TBC1D24: variants seen among roughly 807,000 people sequenced by gnomAD.
TBC1D24 encodes Infantile myoclonic epilepsy.
Under a neutral mutation model 50.7 loss-of-function variants are expected in TBC1D24, and 47 were observed. The ratio of observed to expected loss-of-function variants is 0.93; its 90% CI spans 0.73 to 1.18. TBC1D24 has a LOEUF of 1.18. TBC1D24 is among the 50% of genes most tolerant of loss of function. TBC1D24 has a pLI of 0.00. For synonymous variants in TBC1D24, 324 were observed against 335.2 expected (o/e 0.97, Z 0.36); for missense variants, 688 against 766.5 (o/e 0.90, Z 1.21).
chr16:2,490,106 C>A (rs991589937), intron 1 of TBC1D24, among the ~76,000 whole-genome samples: 1 of 152,204 alleles, frequency 6.6e-6, no homozygotes, highest in Admixed American at 6.5e-5. Flanking sequence ...GAGAGGTGTG[C>A]CCTGAGGATC....
Position 2,501,331 on chromosome 16 carries a change from C to T in TBC1D24, c.*373C>T, listed in dbSNP as rs1002817767. 1.0e-5 allele frequency: 3 copies of T among 294,016 alleles called. No homozygotes were observed. Among genetic ancestry groups the T allele is most frequent in the East Asian group, 7.7e-5 (1 of 12,922 alleles). 18.2% of individuals were successfully genotyped at this position (294,016 alleles called of 1,614,324 possible). On this transcript the variant is annotated 3_prime_UTR_variant, in exon 8 of 8. Coordinates refer to ENST00000646147, the MANE Select transcript of TBC1D24 (RefSeq NM_001199107.2). ...CTGAGCCCCTGGGGTGGGAGTACAA[C>T]GGCAGTGGGAACGTGCAGCTAAGGG...
chr16:2,497,345 C>G (rs1001960039), intron 2 of TBC1D24, among the ~76,000 whole-genome samples: 3 of 152,258 alleles, frequency 2.0e-5, no homozygotes, highest in Non-Finnish European at 4.4e-5. Context: ...GAGATGAAAG[C>G]TGATGCTGGC....
At position 2,487,167 on chromosome 16, in the gene TBC1D24, C is replaced by T. The variant is rs1284319984; in HGVS notation, c.-115-8867C>T. The stretch of plus-strand genomic sequence containing the variant: ...CCACATCTGAGGGGCACCGTCCCCA[C>T]CCACAGGCTGCCTCCACACCTTTCC... On this transcript the variant is annotated intron_variant, in intron 1 of 7. Coordinates refer to ENST00000646147, the MANE Select transcript of TBC1D24 (RefSeq NM_001199107.2). The surrounding 1 kb of genome is among the most constrained non-coding windows in gnomAD (Gnocchi z 4.1). Among the ~76,000 whole-genome samples the T allele has an allele frequency of 3.3e-5, 5 of 152,252 alleles. No individual in the cohort carries two copies. The highest frequency in any genetic ancestry group is 1.2e-4 in the African/African-American group (5 of 41,480).
Position 2,486,186 on chromosome 16 carries a change from G to A in TBC1D24, c.-115-9848G>A, listed in dbSNP as rs1485596127. Among the ~76,000 whole-genome samples, 1 of 152,208 alleles carries A rather than the reference G, an allele frequency of 6.6e-6. No individual in the cohort carries two copies. The highest frequency in any genetic ancestry group is 1.5e-5 in the Non-Finnish European group (1 of 68,030). ...CGAGATTGTTTTGGATCCCGCCAGG[G>A]GAGCCCACTGAGAGGAGCCTGCATC... On this transcript the variant is annotated intron_variant, in intron 1 of 7. Transcript: ENST00000646147. The surrounding 1 kb of genome is among the most constrained non-coding windows in gnomAD (Gnocchi z 5.8).
At position 2,496,648 on chromosome 16, in the gene TBC1D24, G is replaced by C. The variant is rs2065743830; in HGVS notation, c.500G>C (p.Arg167Thr). The change falls in exon 2 of 8, where the codon AGG becomes ACG. Residue 167 changes from arginine to threonine, a missense_variant. Transcript: ENST00000646147. ...CTGGCCTGCAATGACCCCGGCAGGAGGCTGATCGACCAGAGCTTCCTGGCC... is the reference window on the plus strand; with the variant it reads ...CTGGCCTGCAATGACCCCGGCAGGACGCTGATCGACCAGAGCTTCCTGGCC... ...RILACNDPGR[R>T]LIDQSFLAFE... The C allele has an allele frequency of 6.2e-7, 1 of 1,612,574 alleles. No individual in the cohort carries two copies. Among genetic ancestry groups the C allele is most frequent in the African/African-American group, 1.3e-5 (1 of 74,948 alleles).
Position 2,504,150 on chromosome 16 carries a change from C to T in TBC1D24, c.*3192C>T, listed in dbSNP as rs975125256. 2 of 151,994 alleles carry T rather than the reference C, an allele frequency of 1.3e-5. No homozygotes were observed. Among genetic ancestry groups the T allele is most frequent in the South Asian group, 2.1e-4 (1 of 4,818 alleles). 9.4% of individuals were successfully genotyped at this position (151,994 alleles called of 1,614,324 possible). A position where few individuals can be genotyped will look rare whatever the true frequency, so the allele number is the denominator to read the frequency against. On this transcript the variant is annotated 3_prime_UTR_variant, in exon 8 of 8. Transcript: ENST00000646147. ...TTTTTCAGTGGAATTTGTTTTAAAACGTTTTGAAGATTTCAGAGGCCTTCA... is the reference window on the plus strand; with the variant it reads ...TTTTTCAGTGGAATTTGTTTTAAAATGTTTTGAAGATTTCAGAGGCCTTCA...
chr16:2,484,488 G>C (rs1409188869), intron 1 of TBC1D24: 1 of 152,240 alleles, frequency 6.6e-6, no homozygotes, highest in Admixed American at 6.5e-5. Context: ...AGCTCCCTGG[G>C]GCATGCGACC....
At position 2,487,058 on chromosome 16, in the gene TBC1D24, C is replaced by T. The variant is rs1315362095; in HGVS notation, c.-115-8976C>T. ...ACCTGCCTAGACTTTCCTCCTACCC[C>T]GTGTGGGGACACCCGCCTCTTAGCG... On this transcript the variant is annotated intron_variant, in intron 1 of 7. Transcript: ENST00000646147. The surrounding 1 kb of genome is among the most constrained non-coding windows in gnomAD (Gnocchi z 4.1). 6.6e-6 allele frequency among the ~76,000 whole-genome samples: 1 copy of T among 152,258 alleles called. No individual in the cohort carries two copies. The highest frequency in any genetic ancestry group is 2.4e-5 in the African/African-American group (1 of 41,472).
intron 1 of TBC1D24, among the ~76,000 whole-genome samples, chr16:2,492,375 G>T (rs2065702644): frequency 1.3e-5 from 2 of 152,180 alleles, no homozygotes; most frequent in African/African-American, 4.8e-5. Flanking sequence ...AACTTCGCAA[G>T]GTGCACCCAC....
chr16:2,500,710 C>T lies in TBC1D24; in HGVS notation c.1526-94C>T. ...AACGGTCTGTGCGGTTTCAGAGAGG[C>T]CCGTGCAGGGCAGGACAGCTGGGAC... On this transcript the variant is annotated intron_variant, in intron 7 of 7. Transcript: ENST00000646147. This position sits in a 1 kb window ranked among gnomAD's most constrained non-coding sequence, Gnocchi z 8.0. The T allele has an allele frequency of 6.7e-7, 1 of 1,485,936 alleles. No individual in the cohort carries two copies. Among genetic ancestry groups the T allele is most frequent in the South Asian group, 1.3e-5 (1 of 78,348 alleles). The allele number at this position is 1,485,936 out of a possible 1,614,324, so 92.0% of individuals were successfully genotyped here.
rs1297603223 is a variant in TBC1D24, at chr16:2,487,071, C to T, written c.-115-8963C>T. ...TTCCTCCTACCCCGTGTGGGGACAC[C>T]CGCCTCTTAGCGCATCCCAGCCCCT... On this transcript the variant is annotated intron_variant, in intron 1 of 7. Coordinates refer to ENST00000646147, the MANE Select transcript of TBC1D24 (RefSeq NM_001199107.2). The surrounding 1 kb of genome is among the most constrained non-coding windows in gnomAD (Gnocchi z 4.1). 6.6e-6 allele frequency among the ~76,000 whole-genome samples: 1 copy of T among 152,248 alleles called. No homozygotes were observed. The highest frequency in any genetic ancestry group is 6.5e-5 in the Admixed American group (1 of 15,286).
At position 2,496,318 on chromosome 16, in the gene TBC1D24, GC is replaced by G. The variant is rs1555501140; in HGVS notation, c.172del (p.Leu58Ter). On this transcript the variant is annotated frameshift_variant, in exon 2 of 8. Transcript: ENST00000646147. LOFTEE classifies it high-confidence loss of function. ...SHALRGKVYQ[R>X]LIRDIPCRTV... Reference sequence around the variant, plus strand: ...GCCCTGCGGGGAAAGGTGTACCAGCGCCTGATCCGGGACATTCCCTGCCGCA... The same window carrying G: ...GCCCTGCGGGGAAAGGTGTACCAGCGCTGATCCGGGACATTCCCTGCCGCA... 6.2e-7 allele frequency: 1 copy of G among 1,613,608 alleles called. No homozygotes were observed. Among genetic ancestry groups the G allele is most frequent in the Non-Finnish European group, 8.5e-7 (1 of 1,180,032 alleles).
rs1241054531 is a variant in TBC1D24, at chr16:2,487,351, C to T, written c.-115-8683C>T. Reference sequence around the variant, plus strand: ...TGTGACTAACTGCAGGACGAGGGAGCCGCGGTCGTATGCTGCCTCCTCACG... The same window carrying T: ...TGTGACTAACTGCAGGACGAGGGAGTCGCGGTCGTATGCTGCCTCCTCACG... On this transcript the variant is annotated intron_variant, in intron 1 of 7. Transcript: ENST00000646147. The surrounding 1 kb of genome is among the most constrained non-coding windows in gnomAD (Gnocchi z 4.1). 6.6e-6 allele frequency among the ~76,000 whole-genome samples: 1 copy of T among 152,240 alleles called. No individual in the cohort carries two copies. The highest frequency in any genetic ancestry group is 1.5e-5 in the Non-Finnish European group (1 of 68,044).
chr16:2,492,992 T>C (rs897436369), intron 1 of TBC1D24, among the ~76,000 whole-genome samples: 3 of 151,832 alleles, frequency 2.0e-5, no homozygotes, highest in African/African-American at 7.3e-5. Context: ...CTTGGGAGGC[T>C]GAGGCAGGGG....
Position 2,505,575 on chromosome 16 carries a change from G to A in TBC1D24, c.*4617G>A, listed in dbSNP as rs548424010. 6.6e-6 allele frequency: 1 copy of A among 152,300 alleles called. No individual in the cohort carries two copies. Among genetic ancestry groups the A allele is most frequent in the South Asian group, 2.1e-4 (1 of 4,822 alleles). The allele number at this position is 152,300 out of a possible 1,614,324, so 9.4% of individuals were successfully genotyped here. A position where few individuals can be genotyped will look rare whatever the true frequency, so the allele number is the denominator to read the frequency against. On this transcript the variant is annotated 3_prime_UTR_variant, in exon 8 of 8. Transcript: ENST00000646147. ...AAATGTTTATTGGACTGATGCTTTG[G>A]AGCCTCTCAATGAATGTAATAAAAA...
chr16:2,496,870 A>G lies in TBC1D24; in HGVS notation c.722A>G (p.Tyr241Cys), dbSNP rs1207433758. 1 of 1,614,076 alleles carries G rather than the reference A, an allele frequency of 6.2e-7. No individual in the cohort carries two copies. Among genetic ancestry groups the G allele is most frequent in the East Asian group, 2.2e-5 (1 of 44,882 alleles). The change falls in exon 2 of 8, where the codon TAC becomes TGC. Residue 241 changes from tyrosine to cysteine, a missense_variant. Tyr to Cys is a radical substitution (Grantham distance 194, BLOSUM62 -2). Transcript: ENST00000646147. ...CTGGTGGAGGGCTACAAGGTGCTGT[A>G]CCGCGTGGCGCTGGCCATCCTCAAG... ...VFLVEGYKVL[Y>C]RVALAILKFF... is the part of the protein sequence containing the mutation.
rs1256072818 is a variant in TBC1D24 at position 2,487,844 on chromosome 16, G to T, written c.-115-8190G>T. 6.6e-6 allele frequency among the ~76,000 whole-genome samples: 1 copy of T among 152,086 alleles called. No homozygotes were observed. Among genetic ancestry groups the T allele is most frequent in the African/African-American group, 2.4e-5 (1 of 41,416 alleles). On this transcript the variant is annotated intron_variant, in intron 1 of 7. Transcript: ENST00000646147. The surrounding 1 kb of genome is among the most constrained non-coding windows in gnomAD (Gnocchi z 4.1). ...TGCCCTGAAGTCCCAGACCTGCGTGGGTCCTGCCTGTGCTCAGGGACCCTC... is the reference window on the plus strand; with the variant it reads ...TGCCCTGAAGTCCCAGACCTGCGTGTGTCCTGCCTGTGCTCAGGGACCCTC...
rs2065770366 is a variant in TBC1D24 at position 2,499,312 on chromosome 16, G to A, written c.1143-45G>A. On this transcript the variant is annotated intron_variant, in intron 4 of 7. Coordinates refer to ENST00000646147, the MANE Select transcript of TBC1D24 (RefSeq NM_001199107.2). The surrounding 1 kb of genome is among the most constrained non-coding windows in gnomAD (Gnocchi z 4.0). ...CAGCGGAGGCTGCAGGAGGCGGCTG[G>A]GAGGGTGTGCAGGGTGACAGCTGGC... The A allele has an allele frequency of 1.9e-6, 3 of 1,584,014 alleles. No homozygotes were observed. In the African/African-American group the frequency reaches 4.0e-5, roughly 21 times the overall value.
At chr16:2,490,878 G>A (rs1801476593) in intron 1 of TBC1D24, among the ~76,000 whole-genome samples, 2 of 152,346 alleles carry the variant, frequency 1.3e-5, no homozygotes, top group Non-Finnish European at 2.9e-5. Context: ...TTTGTCAGGG[G>A]TTGGGGGACT....
Sources: allele counts gnomAD v4.1 joint callset (sites outside exome capture counted in the v4.1 genomes callset), GRCh38; gene constraint gnomAD v4.1.1; non-coding constraint Gnocchi (gnomAD v3.1); transcripts MANE v1.5; gene names NCBI Gene and HGNC (gene_info 2026-07-23, HGNC 2026-07-21).